SLC24A3: variants seen among roughly 807,000 people sequenced by gnomAD.
The protein encoded by SLC24A3 is sodium/potassium/calcium exchanger 3.
SLC24A3 carries 28 observed loss-of-function variants against 75.8 expected under a neutral mutation model. The observed-to-expected ratio is 0.37, with a 90% CI of 0.27 to 0.51. SLC24A3 has a LOEUF of 0.51. Among genes scored for constraint, SLC24A3 ranks in the 20% least tolerant of loss-of-function variants. The pLI, the probability that SLC24A3 is intolerant of heterozygous loss-of-function variation, is 0.94. For missense variants in SLC24A3, 663 were observed against 847.8 expected (o/e 0.78, Z 2.71); for synonymous variants, 372 against 334.1 (o/e 1.11, Z -1.24).
intron 6 of SLC24A3, among the ~76,000 whole-genome samples, chr20:19,611,038 A>G (rs2122663320): frequency 6.6e-6 from 1 of 152,296 alleles, no homozygotes; most frequent in East Asian, 1.9e-4. Context: ...ACTCTTCTAC[A>G]CTCAGGTAGG....
chr20:19,217,280 T>C (rs972805720), intron 1 of SLC24A3, among the ~76,000 whole-genome samples: 1 of 151,870 alleles, frequency 6.6e-6, no homozygotes, highest in African/African-American at 2.4e-5. Flanking sequence ...GAGTGTAGGG[T>C]CACATTATAA....
At chr20:19,572,778 A>G (rs2031073463) in intron 3 of SLC24A3, among the ~76,000 whole-genome samples, 1 of 152,238 alleles carries the variant, frequency 6.6e-6, no homozygotes, top group Non-Finnish European at 1.5e-5. Flanking sequence ...GAATGGTTCC[A>G]GAACAATGAT....
intron 14 of SLC24A3, among the ~76,000 whole-genome samples, chr20:19,697,162 G>A (rs185307113): frequency 1.7e-4 from 26 of 152,224 alleles, no homozygotes; most frequent in African/African-American, 4.8e-4. Context: ...GGGTGATGCC[G>A]TGTTGGTTGA....
At chr20:19,596,571 A>C (rs577095776) in intron 6 of SLC24A3, among the ~76,000 whole-genome samples, 55 of 152,298 alleles carry the variant, frequency 3.6e-4, no homozygotes, top group African/African-American at 1.2e-3. Flanking sequence ...GATTTTAATT[A>C]AAAGTTGTTG....
At chr20:19,507,917 C>A (rs895820217) in intron 2 of SLC24A3, among the ~76,000 whole-genome samples, 2 of 152,206 alleles carry the variant, frequency 1.3e-5, no homozygotes, top group Admixed American at 1.3e-4. Context: ...TCATGTATCC[C>A]AGCCTGGTGG....
chr20:19,608,103 G>A (rs1467325633), intron 6 of SLC24A3, among the ~76,000 whole-genome samples: 1 of 152,170 alleles, frequency 6.6e-6, no homozygotes, highest in Non-Finnish European at 1.5e-5. Flanking sequence ...GTCACCTCCT[G>A]CAAGAAGCCT....
At chr20:19,515,174 A>G (rs1368233729) in intron 2 of SLC24A3, among the ~76,000 whole-genome samples, 1 of 152,252 alleles carries the variant, frequency 6.6e-6, no homozygotes, top group East Asian at 1.9e-4. Flanking sequence ...TAACACTTTA[A>G]GTCACAGGTG....
chr20:19,505,327 C>T (rs1029917777), intron 2 of SLC24A3, among the ~76,000 whole-genome samples: 6 of 152,100 alleles, frequency 3.9e-5, no homozygotes, highest in East Asian at 1.9e-4. Context: ...GCAAATCCAC[C>T]GCAAATTGTC....
chr20:19,497,307 C>T (rs902341684), intron 2 of SLC24A3, among the ~76,000 whole-genome samples: 3 of 152,124 alleles, frequency 2.0e-5, no homozygotes, highest in Non-Finnish European at 4.4e-5. Context: ...GGGCTAGGAC[C>T]GTTTCATCTG....
At chr20:19,413,917 T>A (rs1215996167) in intron 2 of SLC24A3, among the ~76,000 whole-genome samples, 3 of 152,078 alleles carry the variant, frequency 2.0e-5, no homozygotes, top group Admixed American at 2.0e-4. Flanking sequence ...AACCAATATG[T>A]TGGAGAAAAA....
At chr20:19,233,205 G>A (rs191468032) in intron 1 of SLC24A3, among the ~76,000 whole-genome samples, 47 of 152,300 alleles carry the variant, frequency 3.1e-4, no homozygotes, top group African/African-American at 1.1e-3. Context: ...GGTGGGGAGG[G>A]TCTCTCCCCA....
chr20:19,636,012 C>T (rs564738517), intron 6 of SLC24A3, among the ~76,000 whole-genome samples: 105 of 152,206 alleles, frequency 6.9e-4, no homozygotes, highest in Admixed American at 2.7e-3. Flanking sequence ...TGGTGGCGGG[C>T]GCCTGTGGTC....
chr20:19,337,585 A>G (rs1029856046), intron 2 of SLC24A3, among the ~76,000 whole-genome samples: 2 of 152,180 alleles, frequency 1.3e-5, no homozygotes, highest in East Asian at 3.8e-4. Flanking sequence ...CATATTTGCC[A>G]TGTGTCTTGG....
At chr20:19,719,540 C>T (rs991183096) in intron 16 of SLC24A3, among the ~76,000 whole-genome samples, 11 of 150,034 alleles carry the variant, frequency 7.3e-5, no homozygotes, top group South Asian at 4.2e-4. Context: ...TAAGTGAGGA[C>T]GGGGAAGTGA....
intron 7 of SLC24A3, among the ~76,000 whole-genome samples, chr20:19,658,884 C>G (rs771366471): frequency 6.6e-6 from 1 of 152,178 alleles, no homozygotes; most frequent in Non-Finnish European, 1.5e-5. Flanking sequence ...TGGGTATCTC[C>G]GGCCTCCCAG....
At chr20:19,585,644 A>G (rs2031284127) in intron 6 of SLC24A3, 100 bp downstream of exon 6, 2 of 1,155,432 alleles carry the variant, frequency 1.7e-6, no homozygotes, top group African/African-American at 3.1e-5. Flanking sequence ...CACAACTTGC[A>G]TTAGGGCCCA....
At chr20:19,628,493 T>TA (rs2031894077) in intron 6 of SLC24A3, among the ~76,000 whole-genome samples, 1 of 152,076 alleles carries the variant, frequency 6.6e-6, no homozygotes, top group Non-Finnish European at 1.5e-5. Flanking sequence ...TTTGTTGGAC[T>TA]TACCTACTAT....
At chr20:19,507,623 C>A (rs1036117618) in intron 2 of SLC24A3, among the ~76,000 whole-genome samples, 2 of 152,212 alleles carry the variant, frequency 1.3e-5, no homozygotes, top group Non-Finnish European at 2.9e-5. Context: ...CAATCCACAT[C>A]ATTTTGCTCA....
intron 2 of SLC24A3, among the ~76,000 whole-genome samples, chr20:19,480,663 C>T (rs1988038336): frequency 6.6e-6 from 1 of 152,142 alleles, no homozygotes; most frequent in Non-Finnish European, 1.5e-5. Context: ...TCTGTAGACT[C>T]CATGTACCTT....
Sources: allele counts gnomAD v4.1 joint callset (sites outside exome capture counted in the v4.1 genomes callset), GRCh38; gene constraint gnomAD v4.1.1; transcripts MANE v1.5; gene names NCBI Gene and HGNC (gene_info 2026-07-23, HGNC 2026-07-21).